PCDHGA1: variants seen among roughly 807,000 people sequenced by gnomAD.
PCDHGA1 encodes the protein protocadherin gamma-A1.
Under a neutral mutation model 58.0 loss-of-function variants are expected in PCDHGA1, and 32 were observed. The observed-to-expected ratio is 0.55, with a 90% CI of 0.42 to 0.74. PCDHGA1 has a LOEUF of 0.74. Ranked by LOEUF, PCDHGA1 falls within the 30% of genes least tolerant of loss-of-function variation. PCDHGA1 has a pLI of 0.00. For synonymous variants in PCDHGA1, 498 were observed against 501.1 expected (o/e 0.99, Z 0.08); for missense variants, 1,205 against 1,182.3 (o/e 1.02, Z -0.28).
At chr5:141,376,944 C>T (rs1773563928) in intron 1 of PCDHGA1, 1 of 167,020 alleles carries the variant, frequency 6.0e-6, no homozygotes, top group Non-Finnish European at 1.3e-5. Context: ...GCCTCGGCCT[C>T]CCAAAGTGCT....
rs778927487 is a variant in PCDHGA1, at chr5:141,364,377, C to A, written c.2421+31272C>A. On this transcript the variant is annotated intron_variant, in intron 1 of 3. Transcript: ENST00000517417. ...TGGGGCTGCGGAGAGCTGCTGCTGC[C>A]CTTCATGCTCCTGGGGACGCTGTGC... is the stretch of plus-strand genomic sequence containing the variant. 6.3e-6 allele frequency: 10 copies of A among 1,577,000 alleles called. No individual in the cohort carries two copies. In the South Asian group the frequency reaches 7.0e-5, roughly 11 times the overall value.
In PCDHGA1 at chr5:141,332,078, A is replaced by T; in HGVS notation, c.1394A>T (p.Asn465Ile). Residue 465 changes from asparagine (N) to isoleucine (I), a missense_variant, in exon 1 of 4, where the codon AAC becomes ATC. Physicochemically the swap from Asn to Ile is moderately radical, Grantham distance 149. Transcript: ENST00000517417. This position sits in a 1 kb window ranked among gnomAD's most constrained non-coding sequence, Gnocchi z 4.6. ...TACTCTGCCTACATTCCCGAAAACA[A>T]CCCCAGAGGAGCCTCCATCTTCTCT... ...DSYSAYIPEN[N>I]PRGASIFSVR... is the part of the protein sequence containing the mutation. The T allele has an allele frequency of 6.2e-7, 1 of 1,613,914 alleles. No individual in the cohort carries two copies. The highest frequency in any genetic ancestry group is 8.5e-7 in the Non-Finnish European group (1 of 1,179,968).
intron 1 of PCDHGA1, chr5:141,395,652 A>C (rs2093296938): frequency 6.0e-6 from 1 of 165,528 alleles, no homozygotes; most frequent in Admixed American, 6.1e-5. Context: ...TTAGCTTAGC[A>C]AAAGTAAAAT....
intron 1 of PCDHGA1, chr5:141,357,041 C>T (rs1760441542): frequency 6.2e-7 from 1 of 1,614,006 alleles, no homozygotes; most frequent in African/African-American, 1.3e-5. Context: ...TCCAGCGAGC[C>T]GGGACTATTT....
chr5:141,365,077 G>C (rs1048742374), intron 1 of PCDHGA1: 1 of 1,613,842 alleles, frequency 6.2e-7, no homozygotes. Context: ...AGTACAGCGT[G>C]AGTGTTCCAG....
chr5:141,477,433 C>T lies in PCDHGA1; in HGVS notation c.2422-17374C>T, dbSNP rs1389102640. On this transcript the variant is annotated intron_variant, in intron 1 of 3. Transcript: ENST00000517417. The surrounding 1 kb of genome is among the most constrained non-coding windows in gnomAD (Gnocchi z 4.9). ...ACGCCGGAACCCCTTCCCTCTCAGCCCTTACAATAGTGCGTGTTCAAGTGT... is the reference window on the plus strand; with the variant it reads ...ACGCCGGAACCCCTTCCCTCTCAGCTCTTACAATAGTGCGTGTTCAAGTGT... 6.2e-7 allele frequency: 1 copy of T among 1,614,048 alleles called. No individual in the cohort carries two copies. The highest frequency in any genetic ancestry group is 2.2e-5 in the East Asian group (1 of 44,892).
At chr5:141,497,713 T>C (rs1357797720) in intron 2 of PCDHGA1, among the ~76,000 whole-genome samples, 3 of 152,084 alleles carry the variant, frequency 2.0e-5, no homozygotes, top group Non-Finnish European at 1.5e-5. Context: ...CTCATTTTTG[T>C]ATTTTTAGTA....
At chr5:141,366,314 G>A (rs759896356) in intron 1 of PCDHGA1, 9 of 1,613,624 alleles carry the variant, frequency 5.6e-6, no homozygotes, top group South Asian at 5.5e-5. Flanking sequence ...CACGGTCACC[G>A]TTGCCGTGGC....
chr5:141,375,879 G>A, intron 1 of PCDHGA1: 1 of 1,613,144 alleles, frequency 6.2e-7, no homozygotes, highest in South Asian at 1.1e-5. Flanking sequence ...AGAGACTCGG[G>A]CCAGAACGCC....
At chr5:141,345,988 C>T (rs1387239684) in intron 1 of PCDHGA1, 2 of 1,613,268 alleles carry the variant, frequency 1.2e-6, no homozygotes, top group Non-Finnish European at 8.5e-7. Flanking sequence ...CACGGCCAGC[C>T]CCCTCTCTCC....
At chr5:141,430,661 G>A in intron 1 of PCDHGA1, 1 of 1,159,744 alleles carries the variant, frequency 8.6e-7, no homozygotes, top group South Asian at 2.1e-5. Context: ...CAACGGAGGA[G>A]CTCTGACTTC....
chr5:141,446,188 T>G (rs566309564), intron 1 of PCDHGA1, among the ~76,000 whole-genome samples: 28 of 152,326 alleles, frequency 1.8e-4, no homozygotes, highest in African/African-American at 6.3e-4. Context: ...TTTTGTTTAT[T>G]ATTATATTCC....
rs751908443 is a variant in PCDHGA1 at position 141,361,870 on chromosome 5, C to T, written c.2421+28765C>T. 4.3e-6 allele frequency: 7 copies of T among 1,611,302 alleles called. No homozygotes were observed. The Admixed American group carries it at 5.0e-5, about 12-fold the overall frequency. On this transcript the variant is annotated intron_variant, in intron 1 of 3. Transcript: ENST00000517417. The stretch of plus-strand genomic sequence containing the variant: ...TGGCTCCGCCCTCTTCGATATGGTG[C>T]CACGCGCCGCAGAGCCCGGCTACCT...
At chr5:141,373,588 T>A (rs1021552918) in intron 1 of PCDHGA1, among the ~76,000 whole-genome samples, 3 of 152,222 alleles carry the variant, frequency 2.0e-5, no homozygotes, top group African/African-American at 4.8e-5. Context: ...GGTGGTGAAA[T>A]GTGATGATAA....
chr5:141,403,120 C>T, intron 1 of PCDHGA1: 2 of 1,614,050 alleles, frequency 1.2e-6, no homozygotes, highest in Non-Finnish European at 1.7e-6. Flanking sequence ...CTCTGGAGCC[C>T]CGGGAGCTGG....
At chr5:141,356,834 A>ATG in intron 1 of PCDHGA1, 2 of 1,614,166 alleles carry the variant, frequency 1.2e-6, no homozygotes, top group Non-Finnish European at 1.7e-6. Flanking sequence ...CTCAGCAGCA[A>ATG]TGTGTCACTG....
chr5:141,346,523 A>T (rs1022933265), intron 1 of PCDHGA1: 4 of 1,588,136 alleles, frequency 2.5e-6, no homozygotes, highest in Non-Finnish European at 3.4e-6. Context: ...TAAAGCTTTA[A>T]CACATATGTA....
chr5:141,381,153 G>A (rs1345573365), intron 1 of PCDHGA1, among the ~76,000 whole-genome samples: 3 of 152,196 alleles, frequency 2.0e-5, no homozygotes, highest in Non-Finnish European at 4.4e-5. Context: ...GCAGAAATAG[G>A]TTACTTAGGA....
chr5:141,403,004 T>A, intron 1 of PCDHGA1: 1 of 1,613,990 alleles, frequency 6.2e-7, no homozygotes, highest in Non-Finnish European at 8.5e-7. Context: ...CCTGCTATGC[T>A]CGCTCCTGGG....
Sources: gnomAD v4.1 joint callset for allele counts (sites outside exome capture counted in the v4.1 genomes callset) on GRCh38, gnomAD v4.1.1 for gene constraint, Gnocchi (gnomAD v3.1) non-coding constraint, MANE v1.5 for transcripts, NCBI Gene and HGNC (gene_info 2026-07-23, HGNC 2026-07-21) for gene names.